Variants in ZNF420 observed in about 807,000 individuals in gnomAD.
The protein encoded by ZNF420 is ATM and p53-associated KZNF protein.
ZNF420 carries 31 observed loss-of-function variants against 44.7 expected under a neutral mutation model. That is an observed-to-expected ratio of 0.69 (90% CI 0.52 to 0.94). The LOEUF is 0.94. Among genes scored for constraint, ZNF420 ranks in the 40% least tolerant of loss-of-function variants. The pLI, the probability that ZNF420 is intolerant of heterozygous loss-of-function variation, is 0.00. For missense variants in ZNF420, 681 were observed against 827.9 expected, an observed-to-expected ratio of 0.82 and a Z score of 2.18; for synonymous variants, 245 against 267.4, an observed-to-expected ratio of 0.92 and a Z score of 0.82.
intron 1 of ZNF420, among the ~76,000 whole-genome samples, chr19:37,052,738 G>T (rs534256392): frequency 6.6e-6 from 1 of 152,320 alleles, no homozygotes; most frequent in East Asian, 1.9e-4. Context: ...TCAGCTGTTA[G>T]TCTGATGGGC....
chr19:37,115,621 T>C (rs1252837515), intron 4 of ZNF420, among the ~76,000 whole-genome samples: 4 of 151,834 alleles, frequency 2.6e-5, no homozygotes, highest in East Asian at 2.0e-4. Context: ...AAATAGAACA[T>C]ACAATTGGGT....
intron 4 of ZNF420, among the ~76,000 whole-genome samples, chr19:37,105,317 G>A (rs185930152): frequency 2.8e-3 from 424 of 152,206 alleles, no homozygotes; most frequent in Non-Finnish European, 4.4e-3. Context: ...GTAGATGGGT[G>A]GTATTATTTC....
intron 2 of ZNF420, among the ~76,000 whole-genome samples, chr19:37,085,814 G>T (rs1353234495): frequency 1.3e-5 from 2 of 151,156 alleles, no homozygotes; most frequent in Non-Finnish European, 2.9e-5. Context: ...CCAGACTGGA[G>T]TGTAGTGGCA....
intron 4 of ZNF420, among the ~76,000 whole-genome samples, chr19:37,122,797 T>C (rs567149593): frequency 2.6e-5 from 4 of 152,164 alleles, no homozygotes; most frequent in Non-Finnish European, 5.9e-5. Context: ...GTTTTGTATA[T>C]AAAGGTACGC....
At chr19:37,034,597 T>C (rs1967321501) in intron 1 of ZNF420, among the ~76,000 whole-genome samples, 1 of 152,200 alleles carries the variant, frequency 6.6e-6, no homozygotes, top group African/African-American at 2.4e-5. Context: ...GCCTCATATG[T>C]ACCACTGGAC....
chr19:37,100,692 G>A (rs910692743), intron 4 of ZNF420, among the ~76,000 whole-genome samples: 11 of 149,274 alleles, frequency 7.4e-5, no homozygotes, highest in South Asian at 4.2e-4. Context: ...CAGCCTGGGC[G>A]ACAAGAGCAA....
intron 2 of ZNF420, 78 bp from the exon 3 acceptor site, chr19:37,088,961 C>T (rs1968980753): frequency 1.4e-6 from 1 of 695,360 alleles, no homozygotes; most frequent in Non-Finnish European, 2.6e-6. Context: ...AAGAAAAGAA[C>T]AACAAAGATA....
intron 1 of ZNF420, among the ~76,000 whole-genome samples, chr19:37,022,719 T>C (rs1486446965): frequency 1.3e-5 from 2 of 152,176 alleles, no homozygotes; most frequent in African/African-American, 4.8e-5. Context: ...TATTAACTCA[T>C]GTAATACAGC....
intron 1 of ZNF420, among the ~76,000 whole-genome samples, chr19:37,021,985 G>C (rs1267179704): frequency 7.1e-6 from 1 of 141,052 alleles, no homozygotes; most frequent in African/African-American, 2.6e-5. Context: ...ATGAATAGTT[G>C]TACATTACTG....
intron 1 of ZNF420, among the ~76,000 whole-genome samples, chr19:37,071,339 A>T (rs908476689): frequency 6.6e-6 from 1 of 152,248 alleles, no homozygotes; most frequent in African/African-American, 2.4e-5. Flanking sequence ...AAATAGTTAT[A>T]TAAAACTCAA....
chr19:37,055,822 A>G (rs1182721292), intron 1 of ZNF420, among the ~76,000 whole-genome samples: 2 of 152,108 alleles, frequency 1.3e-5, no homozygotes, highest in African/African-American at 2.4e-5. Context: ...CAGCAGGCGG[A>G]GTCTGGGAAA....
At chr19:37,015,051 A>G (rs2074599709) in intron 1 of ZNF420, among the ~76,000 whole-genome samples, 1 of 152,110 alleles carries the variant, frequency 6.6e-6, no homozygotes, top group African/African-American at 2.4e-5. Context: ...CTCTCCCCGG[A>G]GGGGCTTCCT....
At chr19:37,059,684 T>C (rs933613031) in intron 1 of ZNF420, among the ~76,000 whole-genome samples, 3 of 152,080 alleles carry the variant, frequency 2.0e-5, no homozygotes, top group Admixed American at 6.5e-5. Context: ...GCCTGTGTGC[T>C]CGTGGGCCGC....
chr19:37,012,681 C>T (rs1481929026), intron 1 of ZNF420, among the ~76,000 whole-genome samples: 3 of 152,036 alleles, frequency 2.0e-5, no homozygotes, highest in Non-Finnish European at 4.4e-5. Context: ...CTCTCTCACC[C>T]GAGAGTCGTT....
rs558474963 is a variant in ZNF420 at position 37,013,125 on chromosome 19, C to T, written c.-125+5043C>T. Among the ~76,000 whole-genome samples the T allele has an allele frequency of 3.3e-5, 5 of 152,118 alleles. No individual in the cohort carries two copies. In the South Asian group the frequency reaches 8.3e-4, roughly 25 times the overall value. On this transcript the variant is annotated intron_variant, in intron 1 of 4. Coordinates refer to the ZNF420 transcript ENST00000587029. ...ATAGGCCTCTTGTCCAAGATCAAGA[C>T]GACCACCCCACACTTAAGCACATTT...
At chr19:37,116,577 A>T (rs1024796527) in intron 4 of ZNF420, among the ~76,000 whole-genome samples, 11 of 152,148 alleles carry the variant, frequency 7.2e-5, no homozygotes, top group African/African-American at 2.4e-4. Context: ...TACCGGGTTC[A>T]TCTCACTAGG....
chr19:37,057,480 CTCTG>C (rs72487257), intron 1 of ZNF420, among the ~76,000 whole-genome samples: 24,571 of 151,840 alleles, frequency 0.16, 2,100 homozygotes, highest in African/African-American at 0.23. Flanking sequence ...GTCTCTCACT[CTCTG>C]TCTGTTTCTC....
chr19:37,014,779 G>GGCTTGGCAGCCCAGAGGCTTGGC (rs2074597739), intron 1 of ZNF420, among the ~76,000 whole-genome samples: 1 of 152,178 alleles, frequency 6.6e-6, no homozygotes, highest in Non-Finnish European at 1.5e-5. Context: ...GGCAGATCAG[G>GGCTTGGCAGCCCAGAGGCTTGGC]AGCCCTCTGT....
At chr19:37,102,016 G>T (rs200474412) in intron 4 of ZNF420, among the ~76,000 whole-genome samples, 1 of 152,214 alleles carries the variant, frequency 6.6e-6, no homozygotes, top group East Asian at 1.9e-4. Context: ...CTAGAGCTTA[G>T]ACTGGGCCCT....
Sources: gnomAD v4.1 joint callset for allele counts (sites outside exome capture counted in the v4.1 genomes callset) on GRCh38, gnomAD v4.1.1 for gene constraint, MANE v1.5 for transcripts, NCBI Gene and HGNC (gene_info 2026-07-23, HGNC 2026-07-21) for gene names.